RGL1: variants seen among roughly 807,000 people sequenced by gnomAD.
The protein encoded by RGL1 is ral guanine nucleotide dissociation stimulator-like 1.
In RGL1, 24 loss-of-function variants were observed where a neutral mutation model predicts 95.2. The observed-to-expected ratio is 0.25, with a 90% CI of 0.18 to 0.35. RGL1 has a LOEUF of 0.35. Ranked by LOEUF, RGL1 falls within the 10% of genes least tolerant of loss-of-function variation. RGL1 has a pLI of 1.00. For missense variants in RGL1, 715 were observed against 936.3 expected, an observed-to-expected ratio of 0.76 and a Z score of 3.08; for synonymous variants, 329 against 344.9, an observed-to-expected ratio of 0.95 and a Z score of 0.51.
At chr1:183,924,642 A>G (rs1487021821) in intron 17 of RGL1, among the ~76,000 whole-genome samples, 1 of 152,060 alleles carries the variant, frequency 6.6e-6, no homozygotes, top group Non-Finnish European at 1.5e-5. Context: ...AATAAAAATT[A>G]AAAAACAAAA....
At chr1:183,644,827 T>G (rs1447409319) in intron 1 of RGL1, among the ~76,000 whole-genome samples, 1 of 152,224 alleles carries the variant, frequency 6.6e-6, no homozygotes, top group Non-Finnish European at 1.5e-5. Flanking sequence ...GATTAGATTA[T>G]AGCTTGATGA....
At chr1:183,699,040 T>C (rs569654786) in intron 1 of RGL1, among the ~76,000 whole-genome samples, 1 of 152,378 alleles carries the variant, frequency 6.6e-6, no homozygotes, top group South Asian at 2.1e-4. Context: ...ATAAAGATTT[T>C]AGCTGTCTTA....
chr1:183,891,993 A>G (rs1010107683), intron 8 of RGL1, 84 bp from the exon 9 acceptor site: 40 of 973,984 alleles, frequency 4.1e-5, no homozygotes, highest in Non-Finnish European at 6.2e-5. Context: ...CTCCTTAGAC[A>G]TGAGTCCTGA....
chr1:183,772,625 GA>G (rs1659341663), intron 2 of RGL1, among the ~76,000 whole-genome samples: 1 of 152,186 alleles, frequency 6.6e-6, no homozygotes, highest in Non-Finnish European at 1.5e-5. Flanking sequence ...TGGTCTACAG[GA>G]AAGTTTGCTG....
At chr1:183,809,928 G>A (rs1292313339) in intron 2 of RGL1, among the ~76,000 whole-genome samples, 2 of 152,174 alleles carry the variant, frequency 1.3e-5, no homozygotes, top group African/African-American at 4.8e-5. Context: ...CTGCACTCTA[G>A]CCTGAGTGAG....
intron 9 of RGL1, among the ~76,000 whole-genome samples, chr1:183,894,196 A>G (rs575855265): frequency 6.6e-6 from 1 of 152,330 alleles, no homozygotes; most frequent in South Asian, 2.1e-4. Context: ...CACACATTCA[A>G]ATCCAAACAG....
At chr1:183,742,322 A>G in intron 2 of RGL1, 1 of 1,613,372 alleles carries the variant, frequency 6.2e-7, no homozygotes, top group Non-Finnish European at 8.5e-7. Flanking sequence ...AGTTGGTGAA[A>G]TGTTGGATTT....
chr1:183,920,747 G>A (rs1669268348), intron 16 of RGL1, among the ~76,000 whole-genome samples: 1 of 152,196 alleles, frequency 6.6e-6, no homozygotes, highest in Non-Finnish European at 1.5e-5. Context: ...AGAATTTTGT[G>A]TGCACCTACT....
intron 1 of RGL1, among the ~76,000 whole-genome samples, chr1:183,666,005 CTTT>C (rs746295660): frequency 7.7e-6 from 1 of 130,714 alleles, no homozygotes; most frequent in Non-Finnish European, 1.6e-5. Context: ...TTCTTTTTTT[CTTT>C]TTTTTTTTTT....
intron 1 of RGL1, among the ~76,000 whole-genome samples, chr1:183,704,575 A>AG (rs994822925): frequency 2.6e-5 from 4 of 152,172 alleles, no homozygotes; most frequent in African/African-American, 9.7e-5. Flanking sequence ...TTGGTCTGTT[A>AG]GGTTTGGAAA....
At chr1:183,794,716 A>T (rs945603816) in intron 2 of RGL1, among the ~76,000 whole-genome samples, 2 of 152,160 alleles carry the variant, frequency 1.3e-5, no homozygotes, top group African/African-American at 4.8e-5. Context: ...TCAACATGCC[A>T]TTTGGAAGAC....
chr1:183,733,003 T>C (rs189929627), intron 1 of RGL1, among the ~76,000 whole-genome samples: 143 of 152,306 alleles, frequency 9.4e-4, no homozygotes, highest in Admixed American at 4.0e-3. Flanking sequence ...CTTAATGGAC[T>C]ATCGAGGTTA....
intron 1 of RGL1, among the ~76,000 whole-genome samples, chr1:183,736,405 G>A (rs1279551909): frequency 6.6e-6 from 1 of 152,280 alleles, no homozygotes; most frequent in Admixed American, 6.5e-5. Flanking sequence ...AGGACACTGA[G>A]GCCAAGAAAG....
At chr1:183,852,948 C>G (rs1664915872) in intron 3 of RGL1, among the ~76,000 whole-genome samples, 1 of 152,188 alleles carries the variant, frequency 6.6e-6, no homozygotes, top group African/African-American at 2.4e-5. Flanking sequence ...GCACAAGTAT[C>G]TAGAGTTTTC....
chr1:183,906,827 T>A (rs569659971), intron 13 of RGL1, among the ~76,000 whole-genome samples, 185 bp from the exon 14 acceptor site: 2 of 152,204 alleles, frequency 1.3e-5, no homozygotes, highest in Middle Eastern at 3.2e-3. Flanking sequence ...GCACATAAGA[T>A]AAATGTGTCA....
At chr1:183,878,223 G>A (rs1214779261) in intron 4 of RGL1, among the ~76,000 whole-genome samples, 1 of 150,742 alleles carries the variant, frequency 6.6e-6, no homozygotes, top group South Asian at 2.1e-4. Flanking sequence ...TGGAGATAGG[G>A]TCTCGCTCTG....
intron 1 of RGL1, among the ~76,000 whole-genome samples, chr1:183,719,965 C>T (rs1425952060): frequency 1.3e-5 from 2 of 151,812 alleles, no homozygotes; most frequent in African/African-American, 2.4e-5. Flanking sequence ...TTAACATGGT[C>T]TGGTGAGGTG....
At chr1:183,758,745 A>G (rs1263973670) in intron 2 of RGL1, among the ~76,000 whole-genome samples, 2 of 152,038 alleles carry the variant, frequency 1.3e-5, no homozygotes. Flanking sequence ...ATATCATCAC[A>G]CTGAGGGGGT....
At chr1:183,849,581 C>G (rs189084646) in intron 3 of RGL1, among the ~76,000 whole-genome samples, 1 of 146,878 alleles carries the variant, frequency 6.8e-6, no homozygotes, top group African/African-American at 2.5e-5. Flanking sequence ...ACCTCCGCCT[C>G]TTGGGTTCAA....
Sources: gnomAD v4.1 joint callset for allele counts (sites outside exome capture counted in the v4.1 genomes callset) on GRCh38, gnomAD v4.1.1 for gene constraint, MANE v1.5 for transcripts, NCBI Gene and HGNC (gene_info 2026-07-23, HGNC 2026-07-21) for gene names.